GSE1: variants seen among roughly 807,000 people sequenced by gnomAD.
The protein encoded by GSE1 is Gse1 coiled-coil protein.
Under a neutral mutation model 112.6 loss-of-function variants are expected in GSE1, and 32 were observed. The ratio of observed to expected loss-of-function variants is 0.28; its 90% confidence interval spans 0.21 to 0.38. The LOEUF is 0.38. Among genes scored for constraint, GSE1 ranks in the 10% least tolerant of loss-of-function variants. GSE1 has a pLI of 1.00. For synonymous variants in GSE1, 1,115 were observed against 735.6 expected, an observed-to-expected ratio of 1.52 and a Z score of -8.35; for missense variants, 2,348 against 1,699.2, an observed-to-expected ratio of 1.38 and a Z score of -6.71.
chr16:85,325,076 C>G (rs1189553953), intron 1 of GSE1, among the ~76,000 whole-genome samples: 2 of 152,082 alleles, frequency 1.3e-5, no homozygotes, highest in African/African-American at 4.8e-5. Flanking sequence ...CACTTGAGCC[C>G]AGGGACCTCA....
At chr16:85,447,185 A>G (rs913751804) in intron 2 of GSE1, among the ~76,000 whole-genome samples, 2 of 152,112 alleles carry the variant, frequency 1.3e-5, no homozygotes, top group Non-Finnish European at 2.9e-5. Flanking sequence ...CTGCTTTGCA[A>G]GCAAGAAGGC....
intron 1 of GSE1, among the ~76,000 whole-genome samples, chr16:85,197,027 C>T (rs114101481): frequency 0.032 from 4,931 of 152,264 alleles, 269 homozygotes; most frequent in African/African-American, 0.11. Context: ...AGGCCAGCCG[C>T]TTAACTTCTG....
At chr16:85,455,247 G>A (rs561456063) in intron 2 of GSE1, among the ~76,000 whole-genome samples, 94 of 152,316 alleles carry the variant, frequency 6.2e-4, no homozygotes, top group Middle Eastern at 6.8e-3. Context: ...TCAGCCTGGC[G>A]TGGTGGCACA....
chr16:85,262,935 G>C (rs1041724988), intron 1 of GSE1, among the ~76,000 whole-genome samples: 1 of 152,252 alleles, frequency 6.6e-6, no homozygotes, highest in Non-Finnish European at 1.5e-5. Context: ...TCAGAGGATA[G>C]AGCAGTGGAC....
chr16:85,641,248 C>G (rs562120913), intron 2 of GSE1, among the ~76,000 whole-genome samples: 2 of 152,266 alleles, frequency 1.3e-5, no homozygotes, highest in Non-Finnish European at 1.5e-5. Context: ...CGCGGACTCT[C>G]CCGGCTCCAT....
At chr16:85,561,172 C>T (rs1460526130) in intron 1 of GSE1, among the ~76,000 whole-genome samples, 2 of 152,020 alleles carry the variant, frequency 1.3e-5, no homozygotes, top group Non-Finnish European at 2.9e-5. Flanking sequence ...GCAGTGGCTG[C>T]TTCGTCTACT....
chr16:85,291,525 C>G (rs950071429), intron 1 of GSE1, among the ~76,000 whole-genome samples: 4 of 152,232 alleles, frequency 2.6e-5, no homozygotes, highest in Non-Finnish European at 5.9e-5. Context: ...GAATAAAGGG[C>G]TGTCGGCCCT....
At chr16:85,200,171 C>T (rs1023797352) in intron 1 of GSE1, among the ~76,000 whole-genome samples, 7 of 152,166 alleles carry the variant, frequency 4.6e-5, no homozygotes, top group Non-Finnish European at 7.3e-5. Context: ...ATGCTCGGAT[C>T]CCATTTTTAT....
intron 1 of GSE1, among the ~76,000 whole-genome samples, chr16:85,574,737 C>A (rs2046149701): frequency 6.6e-6 from 1 of 152,232 alleles, no homozygotes; most frequent in Non-Finnish European, 1.5e-5. Flanking sequence ...GCTGGTGGCT[C>A]TGCTGAGATT....
chr16:85,246,310 T>TACAC (rs779606538), intron 1 of GSE1, among the ~76,000 whole-genome samples: 15 of 21,712 alleles, frequency 6.9e-4, no homozygotes, highest in Non-Finnish European at 8.5e-4. Context: ...ACACGCTGTC[T>TACAC]ACACACACAC....
At chr16:85,670,937 A>C in intron 14 of GSE1, 58 bp from the exon 15 acceptor site, 3 of 1,067,800 alleles carry the variant, frequency 2.8e-6, no homozygotes, top group Non-Finnish European at 4.4e-6. Context: ...GGAGAGCACA[A>C]AGCGGGCCTT....
At chr16:85,384,290 C>T (rs1183588226) in intron 2 of GSE1, among the ~76,000 whole-genome samples, 1 of 152,118 alleles carries the variant, frequency 6.6e-6, no homozygotes, top group Non-Finnish European at 1.5e-5. Flanking sequence ...GGCCGGGTGG[C>T]GAGCGGCCCA....
chr16:85,206,664 C>G (rs2075122211), intron 1 of GSE1, among the ~76,000 whole-genome samples: 1 of 151,978 alleles, frequency 6.6e-6, no homozygotes, highest in Non-Finnish European at 1.5e-5. Context: ...CCTCTCCTGC[C>G]CCTGCCCGTC....
At chr16:85,260,520 A>G (rs1314328401) in intron 1 of GSE1, among the ~76,000 whole-genome samples, 1 of 151,702 alleles carries the variant, frequency 6.6e-6, no homozygotes, top group Non-Finnish European at 1.5e-5. Flanking sequence ...ACGGGGCTTC[A>G]CTATGTTGGC....
chr16:85,433,765 G>A (rs2049178073), intron 2 of GSE1, among the ~76,000 whole-genome samples: 1 of 152,104 alleles, frequency 6.6e-6, no homozygotes, highest in African/African-American at 2.4e-5. Flanking sequence ...TGGATGGATG[G>A]ATGCTGGATA....
rs544161466 is a variant in GSE1, at chr16:85,638,191, A to C, written c.226+4059A>C. On this transcript the variant is annotated intron_variant, in intron 2 of 15. Coordinates refer to ENST00000253458, the MANE Select transcript of GSE1 (RefSeq NM_014615.5). ...GCGTCTCTCCTCTCATTGTGTCTCA[A>C]GGGTGTAGTTTAAAAATTCAATTCA... Among the ~76,000 whole-genome samples the C allele has an allele frequency of 3.3e-5, 5 of 152,292 alleles. No homozygotes were observed. The East Asian group carries it at 9.7e-4, about 29-fold the overall frequency.
intron 1 of GSE1, among the ~76,000 whole-genome samples, chr16:85,569,529 CAA>C (rs2045894657): frequency 6.6e-6 from 1 of 152,200 alleles, no homozygotes; most frequent in African/African-American, 2.4e-5. Flanking sequence ...TTGTACATTT[CAA>C]GAGCTTAGTG....
chr16:85,426,702 G>GTGGATGGATGGA (rs530312817), intron 2 of GSE1, among the ~76,000 whole-genome samples: 2 of 148,750 alleles, frequency 1.3e-5, no homozygotes, highest in African/African-American at 2.5e-5. Flanking sequence ...AGATGGGTGG[G>GTGGATGGATGGA]TGGATGGATG....
At chr16:85,366,168 G>A (rs1161156274) in intron 2 of GSE1, among the ~76,000 whole-genome samples, 3 of 152,276 alleles carry the variant, frequency 2.0e-5, no homozygotes, top group Admixed American at 1.3e-4. Context: ...CGAAGTCCTT[G>A]GTAAGCCTTG....
Sources: allele counts gnomAD v4.1 joint callset (sites outside exome capture counted in the v4.1 genomes callset), GRCh38; gene constraint gnomAD v4.1.1; transcripts MANE v1.5; gene names NCBI Gene and HGNC (gene_info 2026-07-23, HGNC 2026-07-21).